Variants in ATG10 observed in about 807,000 individuals in gnomAD.
ATG10 encodes ubiquitin-like-conjugating enzyme ATG10.
In ATG10, 30 loss-of-function variants were observed where a neutral mutation model predicts 32.1. The observed-to-expected ratio is 0.94, with a 90% CI of 0.70 to 1.27. ATG10 has a LOEUF of 1.27. ATG10 is among the 50% of genes most tolerant of loss of function. ATG10 has a pLI of 0.00. For missense variants in ATG10, 233 were observed against 262.3 expected (o/e 0.89, Z 0.77); for synonymous variants, 87 against 91.5 (o/e 0.95, Z 0.28).
At position 81,983,579 on chromosome 5, in the gene ATG10, G is replaced by C. The variant is rs1761140933; in HGVS notation, c.-12-3980G>C. On this transcript the variant is annotated intron_variant, in intron 1 of 7. Transcript: ENST00000282185. The stretch of plus-strand genomic sequence containing the variant: ...CAGAGGGGCTCCTCACTTCCCAGTA[G>C]GGGCGGCCGGGCAGAGGCGCCCCTC... 2.7e-5 allele frequency among the ~76,000 whole-genome samples: 4 copies of C among 148,602 alleles called. No homozygotes were observed. In the South Asian group the frequency reaches 8.5e-4, roughly 31 times the overall value.
intron 5 of ATG10, among the ~76,000 whole-genome samples, chr5:82,229,669 G>A (rs1746268987): frequency 6.6e-6 from 1 of 152,172 alleles, no homozygotes; most frequent in South Asian, 2.1e-4. Flanking sequence ...AGTAAGTTGT[G>A]AGCTTTAGTT....
intron 5 of ATG10, among the ~76,000 whole-genome samples, chr5:82,239,976 C>G (rs2150017299): frequency 6.6e-6 from 1 of 152,238 alleles, no homozygotes; most frequent in African/African-American, 2.4e-5. Context: ...GAAATATCGT[C>G]TCACTCCAGT....
At chr5:82,156,738 T>A (rs1306987560) in intron 3 of ATG10, among the ~76,000 whole-genome samples, 2 of 152,340 alleles carry the variant, frequency 1.3e-5, no homozygotes, top group East Asian at 3.9e-4. Flanking sequence ...TTCCTCTAGT[T>A]TGTCATGTTT....
At chr5:82,171,982 T>G (rs1031089664) in intron 4 of ATG10, among the ~76,000 whole-genome samples, 1 of 152,108 alleles carries the variant, frequency 6.6e-6, no homozygotes, top group Non-Finnish European at 1.5e-5. Context: ...AAGTAGAATA[T>G]GTTAAGGACC....
chr5:82,220,744 A>T (rs1581818633), intron 5 of ATG10, among the ~76,000 whole-genome samples: 1 of 138,998 alleles, frequency 7.2e-6, no homozygotes, highest in Non-Finnish European at 1.5e-5. Context: ...GTACTACTCC[A>T]TCTCTCTCTT....
Position 82,058,580 on chromosome 5 carries a change from G to A in ATG10, c.194G>A (p.Gly65Glu), listed in dbSNP as rs1217940145. The change falls in exon 3 of 8, where the codon GGA becomes GAA. Residue 65 changes from glycine (G) to glutamate (E), a missense_variant. Coordinates refer to ENST00000282185, the MANE Select transcript of ATG10 (RefSeq NM_031482.5). ...VMSHLGASTH[G>E]QTCLPMEEAF... ...TCACATCTAGGAGCATCTACCCATGGACAGACATGTCTTCCCATGGAGGTG... is the reference window on the plus strand; with the variant it reads ...TCACATCTAGGAGCATCTACCCATGAACAGACATGTCTTCCCATGGAGGTG... 6.2e-7 allele frequency: 1 copy of A among 1,611,652 alleles called. No individual in the cohort carries two copies. Among genetic ancestry groups the A allele is most frequent in the Non-Finnish European group, 8.5e-7 (1 of 1,178,058 alleles).
chr5:82,111,959 T>C (rs1765635119), intron 3 of ATG10, among the ~76,000 whole-genome samples: 1 of 152,028 alleles, frequency 6.6e-6, no homozygotes, highest in Admixed American at 6.6e-5. Context: ...TTAAAGGGCA[T>C]ACAGGGACAA....
intron 5 of ATG10, among the ~76,000 whole-genome samples, chr5:82,184,394 G>A (rs1231008643): frequency 1.3e-5 from 2 of 152,044 alleles, no homozygotes; most frequent in Admixed American, 6.6e-5. Context: ...AGTTATTTCA[G>A]TGATTTTCTC....
At chr5:82,207,353 A>T (rs1052346195) in intron 5 of ATG10, among the ~76,000 whole-genome samples, 1 of 152,134 alleles carries the variant, frequency 6.6e-6, no homozygotes, top group Admixed American at 6.5e-5. Context: ...ATTTAGCCCT[A>T]CTGGTGGATG....
At chr5:82,011,777 C>T (rs929711730) in intron 2 of ATG10, among the ~76,000 whole-genome samples, 4 of 152,130 alleles carry the variant, frequency 2.6e-5, no homozygotes, top group South Asian at 2.1e-4. Context: ...ATGTCCTCTG[C>T]GTCTACACAA....
intron 3 of ATG10, among the ~76,000 whole-genome samples, chr5:82,150,843 C>T (rs1211699223): frequency 6.6e-6 from 1 of 152,188 alleles, no homozygotes; most frequent in African/African-American, 2.4e-5. Flanking sequence ...GTTCAGAGAA[C>T]CTCTTCCTAA....
intron 3 of ATG10, among the ~76,000 whole-genome samples, chr5:82,112,711 A>T (rs1047733168): frequency 8.6e-5 from 13 of 151,984 alleles, no homozygotes; most frequent in African/African-American, 3.1e-4. Flanking sequence ...TGCATTTTAC[A>T]TATATGTTTA....
At chr5:82,081,197 C>T (rs375862486) in intron 3 of ATG10, among the ~76,000 whole-genome samples, 3 of 152,254 alleles carry the variant, frequency 2.0e-5, no homozygotes, top group East Asian at 1.9e-4. Flanking sequence ...GTGATTTTTG[C>T]ACATTGATTT....
Position 82,004,585 on chromosome 5 carries a change from C to A in ATG10, c.108+16907C>A, listed in dbSNP as rs148748075. On this transcript the variant is annotated intron_variant, in intron 2 of 7. Coordinates refer to ENST00000282185, the MANE Select transcript of ATG10 (RefSeq NM_031482.5). ...TGTCTCAAATTTCTAGGATTAAACA[C>A]TGGGTTTTTTGTTTTTGTTGTTTGT... 3.1e-3 allele frequency among the ~76,000 whole-genome samples: 479 copies of A among 152,296 alleles called. 3 individuals carry two copies. The highest frequency in any genetic ancestry group is 0.011 in the East Asian group (56 of 5,188).
chr5:82,169,454 T>C (rs1581764675), intron 4 of ATG10, among the ~76,000 whole-genome samples: 2 of 152,296 alleles, frequency 1.3e-5, no homozygotes, highest in East Asian at 1.9e-4. Context: ...AGATGTATTA[T>C]TGCAAGTACG....
chr5:82,236,709 T>C (rs1581836558), intron 5 of ATG10, among the ~76,000 whole-genome samples: 1 of 152,162 alleles, frequency 6.6e-6, no homozygotes, highest in African/African-American at 2.4e-5. Flanking sequence ...GTTTTGTTTG[T>C]TTGTTGTTGT....
At chr5:82,045,506 C>T (rs551443765) in intron 2 of ATG10, among the ~76,000 whole-genome samples, 1 of 152,194 alleles carries the variant, frequency 6.6e-6, no homozygotes, top group Admixed American at 6.5e-5. Flanking sequence ...ATGTGCTTCT[C>T]CTCCTTCTGC....
At chr5:82,156,031 TGAAG>T (rs971792941) in intron 3 of ATG10, among the ~76,000 whole-genome samples, 3 of 150,956 alleles carry the variant, frequency 2.0e-5, no homozygotes, top group African/African-American at 7.3e-5. Flanking sequence ...AAGGACAAAA[TGAAG>T]GAAATTTTTA....
intron 3 of ATG10, among the ~76,000 whole-genome samples, chr5:82,065,063 T>C (rs754449428): frequency 5.5e-4 from 84 of 152,322 alleles, no homozygotes; most frequent in Admixed American, 2.1e-3. Flanking sequence ...AAGACATTTA[T>C]TGAGAGTAGG....
Sources: allele counts gnomAD v4.1 joint callset (sites outside exome capture counted in the v4.1 genomes callset), GRCh38; gene constraint gnomAD v4.1.1; transcripts MANE v1.5; gene names NCBI Gene and HGNC (gene_info 2026-07-23, HGNC 2026-07-21).